The following CPQ variants were observed in gnomAD, a reference collection of about 807,000 sequenced individuals.
The protein encoded by CPQ is carboxypeptidase Q, also known as Ser-Met dipeptidase.
A neutral mutation model predicts 45.7 loss-of-function variants in CPQ; 37 were observed. The observed-to-expected ratio is 0.81, with a 90% CI of 0.62 to 1.07. CPQ has a LOEUF of 1.07. CPQ is among the 50% of genes least tolerant of loss of function. The pLI, the probability that CPQ is intolerant of heterozygous loss-of-function variation, is 0.00. For missense variants in CPQ, 537 were observed against 572.9 expected (o/e 0.94, Z 0.64); for synonymous variants, 186 against 205.8 (o/e 0.90, Z 0.82).
chr8:96,883,320 A>G (rs1415214894), intron 4 of CPQ, among the ~76,000 whole-genome samples: 1 of 152,076 alleles, frequency 6.6e-6, no homozygotes, highest in Non-Finnish European at 1.5e-5. Context: ...GACTGGCCTA[A>G]ATTTAAGTAC....
At chr8:97,088,626 G>A (rs1811077162) in intron 7 of CPQ, among the ~76,000 whole-genome samples, 1 of 152,172 alleles carries the variant, frequency 6.6e-6, no homozygotes, top group Non-Finnish European at 1.5e-5. Flanking sequence ...TGCTACAGTA[G>A]CTGAGGCTAA....
chr8:97,071,712 C>T (rs1220435770), intron 7 of CPQ, among the ~76,000 whole-genome samples: 1 of 152,178 alleles, frequency 6.6e-6, no homozygotes, highest in Non-Finnish European at 1.5e-5. Context: ...AGTATATCAA[C>T]CTGGATGCTT....
At chr8:96,926,287 G>C (rs969851833) in intron 4 of CPQ, among the ~76,000 whole-genome samples, 2 of 152,174 alleles carry the variant, frequency 1.3e-5, no homozygotes, top group African/African-American at 4.8e-5. Flanking sequence ...TCTTTGGGCA[G>C]CTCTGACCAG....
chr8:96,948,304 C>T (rs1813216694), intron 4 of CPQ, among the ~76,000 whole-genome samples: 1 of 151,872 alleles, frequency 6.6e-6, no homozygotes, highest in Non-Finnish European at 1.5e-5. Flanking sequence ...TTAATTTTTC[C>T]AATTTGTGAA....
intron 5 of CPQ, among the ~76,000 whole-genome samples, chr8:96,998,820 G>C (rs1404154201): frequency 6.6e-6 from 1 of 151,896 alleles, no homozygotes; most frequent in African/African-American, 2.4e-5. Context: ...TCATTGTACT[G>C]GCCTCCAGCT....
intron 1 of CPQ, among the ~76,000 whole-genome samples, chr8:96,673,674 T>C (rs1200246162): frequency 6.6e-6 from 1 of 152,096 alleles, no homozygotes; most frequent in Non-Finnish European, 1.5e-5. Flanking sequence ...TCAGTAGAGA[T>C]GAGATCTGAA....
At chr8:96,779,934 C>T (rs1017965416) in intron 1 of CPQ, among the ~76,000 whole-genome samples, 1 of 152,110 alleles carries the variant, frequency 6.6e-6, no homozygotes, top group Admixed American at 6.6e-5. Flanking sequence ...AGGGAAGCAG[C>T]AACAGTGTAT....
At chr8:96,736,397 T>A (rs1809982966) in intron 1 of CPQ, among the ~76,000 whole-genome samples, 3 of 152,198 alleles carry the variant, frequency 2.0e-5, no homozygotes, top group Non-Finnish European at 4.4e-5. Flanking sequence ...ATGTTATGAT[T>A]CTACTATTTC....
intron 1 of CPQ, among the ~76,000 whole-genome samples, chr8:96,770,739 G>T (rs994034631): frequency 1.4e-5 from 2 of 147,112 alleles, no homozygotes; most frequent in Non-Finnish European, 3.0e-5. Flanking sequence ...TATATAATAT[G>T]TACATATATA....
At chr8:97,058,053 T>A in intron 6 of CPQ, among the ~76,000 whole-genome samples, 1 of 152,166 alleles carries the variant, frequency 6.6e-6, no homozygotes, top group East Asian at 1.9e-4. Flanking sequence ...GTTAGCATCT[T>A]TACTAATATT....
intron 7 of CPQ, among the ~76,000 whole-genome samples, chr8:97,087,783 A>C (rs1811064860): frequency 1.3e-5 from 2 of 152,328 alleles, no homozygotes; most frequent in South Asian, 4.1e-4. Context: ...TAAAAAACAC[A>C]AAAGGTTATT....
intron 6 of CPQ, among the ~76,000 whole-genome samples, chr8:97,045,578 G>A (rs759863083): frequency 6.6e-5 from 10 of 152,214 alleles, no homozygotes; most frequent in South Asian, 2.1e-4. Context: ...TGTCTTCTGC[G>A]TCGCTCATGC....
intron 7 of CPQ, among the ~76,000 whole-genome samples, chr8:97,106,134 C>T (rs1051179747): frequency 7.9e-5 from 12 of 152,158 alleles, no homozygotes; most frequent in Non-Finnish European, 1.5e-4. Flanking sequence ...GGCTTGGATT[C>T]TGTGCAGGAT....
intron 1 of CPQ, among the ~76,000 whole-genome samples, chr8:96,651,831 A>C (rs1480481476): frequency 6.6e-6 from 1 of 152,042 alleles, no homozygotes; most frequent in Non-Finnish European, 1.5e-5. Context: ...TTTTTATTTT[A>C]CTGTAAATTG....
chr8:96,828,516 T>A (rs958983347), intron 2 of CPQ, among the ~76,000 whole-genome samples: 22 of 151,982 alleles, frequency 1.4e-4, no homozygotes, highest in Admixed American at 1.4e-3. Flanking sequence ...CAGACCATGA[T>A]AACTAGCCCA....
intron 5 of CPQ, among the ~76,000 whole-genome samples, chr8:96,998,689 G>A (rs527698527): frequency 2.2e-4 from 34 of 151,962 alleles, no homozygotes; most frequent in African/African-American, 8.2e-4. Flanking sequence ...TTCTGAATGG[G>A]GAGATATGAA....
At chr8:97,110,348 AGTTT>A (rs1811479627) in intron 7 of CPQ, among the ~76,000 whole-genome samples, 2 of 152,188 alleles carry the variant, frequency 1.3e-5, no homozygotes, top group African/African-American at 2.4e-5. Flanking sequence ...AATACACCAC[AGTTT>A]GTTTATCCAT....
chr8:96,908,659 C>T lies in CPQ; in HGVS notation c.849+28654C>T, dbSNP rs551720671. ...GTGGGAGAATGGGAGATAGGTTACT[C>T]TTTAAATAGCTAGTTGGCATTGTCA... On this transcript the variant is annotated intron_variant, in intron 4 of 7. Transcript: ENST00000220763. Among the ~76,000 whole-genome samples the T allele has an allele frequency of 2.6e-5, 4 of 151,922 alleles. No homozygotes were observed. In the South Asian group the frequency reaches 8.3e-4, roughly 32 times the overall value.
intron 4 of CPQ, among the ~76,000 whole-genome samples, chr8:96,926,625 C>CTTCTTCTTCCT (rs59043894): frequency 2.5e-3 from 147 of 58,386 alleles, no homozygotes; most frequent in Middle Eastern, 9.8e-3. Flanking sequence ...TTCTTCTTCT[C>CTTCTTCTTCCT]CTCCTTCTCC....
Sources: gnomAD v4.1 joint callset for allele counts (sites outside exome capture counted in the v4.1 genomes callset) on GRCh38, gnomAD v4.1.1 for gene constraint, MANE v1.5 for transcripts, NCBI Gene and HGNC (gene_info 2026-07-23, HGNC 2026-07-21) for gene names.